The following PGBD5 variants were observed in gnomAD, a reference collection of about 807,000 sequenced individuals.
PGBD5 encodes the protein piggyBac transposable element-derived protein 5.
A neutral mutation model predicts 47.9 loss-of-function variants in PGBD5; 14 were observed. That is an observed-to-expected ratio of 0.29 (90% CI 0.19 to 0.46). The LOEUF (loss-of-function observed/expected upper bound fraction) is 0.46, where lower values mean the gene tolerates loss of function less well. Among genes scored for constraint, PGBD5 ranks in the 20% least tolerant of loss-of-function variants. PGBD5 has a pLI of 1.00. For missense variants in PGBD5, 635 were observed against 716.0 expected (o/e 0.89, Z 1.29); for synonymous variants, 316 against 306.3 (o/e 1.03, Z -0.33).
At chr1:230,374,689 T>G (rs1400204211) in intron 1 of PGBD5, among the ~76,000 whole-genome samples, 4 of 152,212 alleles carry the variant, frequency 2.6e-5, no homozygotes, top group African/African-American at 9.6e-5. Flanking sequence ...GGTGCTATTT[T>G]AAAGAAACAA....
intron 1 of PGBD5, among the ~76,000 whole-genome samples, chr1:230,418,956 G>A (rs1489006439): frequency 6.6e-6 from 1 of 152,224 alleles, no homozygotes; most frequent in African/African-American, 2.4e-5. Context: ...TCATTCCACT[G>A]TTGGTGGGAA....
intron 1 of PGBD5, among the ~76,000 whole-genome samples, chr1:230,366,582 G>C (rs940198632): frequency 6.6e-6 from 1 of 152,168 alleles, no homozygotes; most frequent in Non-Finnish European, 1.5e-5. Context: ...TGAGGTTCTG[G>C]ACCAGGCTCC....
intron 1 of PGBD5, among the ~76,000 whole-genome samples, chr1:230,373,302 A>G (rs750288859): frequency 2.6e-5 from 4 of 152,188 alleles, no homozygotes; most frequent in Non-Finnish European, 5.9e-5. Flanking sequence ...ATAGGTGTCA[A>G]TCCCTGATCC....
intron 4 of PGBD5, among the ~76,000 whole-genome samples, 192 bp downstream of exon 4, chr1:230,336,916 A>T (rs1469631386): frequency 6.6e-6 from 1 of 152,092 alleles, no homozygotes; most frequent in Admixed American, 6.5e-5. Flanking sequence ...ACACCTTGCA[A>T]TCTCTAGTGC....
At chr1:230,409,003 C>A (rs1404811335) in intron 1 of PGBD5, among the ~76,000 whole-genome samples, 8 of 152,122 alleles carry the variant, frequency 5.3e-5, no homozygotes, top group Non-Finnish European at 1.2e-4. Context: ...AGAACTCTTA[C>A]AACTCAATAA....
At chr1:230,388,930 G>A (rs1042184879) in intron 1 of PGBD5, among the ~76,000 whole-genome samples, 11 of 152,308 alleles carry the variant, frequency 7.2e-5, no homozygotes, top group African/African-American at 2.4e-4. Context: ...ACAAGAAAGG[G>A]CAGGAGCCAG....
chr1:230,355,780 G>A (rs910648743), intron 2 of PGBD5, among the ~76,000 whole-genome samples: 3 of 152,148 alleles, frequency 2.0e-5, no homozygotes, highest in Admixed American at 6.5e-5. Flanking sequence ...AGAAGAAGGC[G>A]GCGTTCCAAG....
At chr1:230,351,223 T>C in intron 2 of PGBD5, 131 bp from the exon 3 acceptor site, 2 of 1,003,864 alleles carry the variant, frequency 2.0e-6, no homozygotes, top group Non-Finnish European at 2.8e-6. Context: ...TTTACCTCTC[T>C]GATCCTGACC....
rs961592074 is a variant in PGBD5 at position 230,337,034 on chromosome 1, C to T, written c.1075+74G>A. The T allele has an allele frequency of 5.1e-5, 78 of 1,521,764 alleles. 1 individual carries two copies. In the South Asian group the frequency reaches 6.3e-4, roughly 12 times the overall value. 94.3% of individuals were successfully genotyped at this position (1,521,764 alleles called of 1,614,324 possible). The stretch of plus-strand genomic sequence containing the variant: ...GTGGTGGCCACCACGTATCTGCACC[C>T]CCACCTGGACCTCTCCCACCACTTT... On this transcript the variant is annotated intron_variant, in intron 4 of 6. Coordinates refer to ENST00000391860, the MANE Select transcript of PGBD5 (RefSeq NM_001258311.2).
At chr1:230,376,087 AAC>A (rs1385395850) in intron 1 of PGBD5, among the ~76,000 whole-genome samples, 1 of 144,766 alleles carries the variant, frequency 6.9e-6, no homozygotes, top group Non-Finnish European at 1.5e-5. Context: ...GACAGGGAGC[AAC>A]AGAGAGAGCC....
Position 230,392,138 on chromosome 1 carries a change from T to C in PGBD5, c.331+33460A>G, listed in dbSNP as rs374881896. 1.6e-4 allele frequency among the ~76,000 whole-genome samples: 24 copies of C among 152,338 alleles called. No homozygotes were observed. The East Asian group carries it at 1.7e-3, about 11-fold the overall frequency. ...TTCTCTTAAGAGTGCCTTGGTCATG[T>C]GTCATGGGGCTGATCCCCAGCTGCC... On this transcript the variant is annotated intron_variant, in intron 1 of 6. Coordinates refer to ENST00000391860, the MANE Select transcript of PGBD5 (RefSeq NM_001258311.2).
chr1:230,332,037 C>CAT, intron 5 of PGBD5, among the ~76,000 whole-genome samples: 3 of 40 alleles, frequency 0.075, no homozygotes, highest in African/African-American at 0.12. Flanking sequence ...ACACACACAC[C>CAT]ACACACAGCA....
In PGBD5 at chr1:230,333,980, G is replaced by A. The variant is rs77709244; in HGVS notation, c.1076-939C>T. ...TGCTCCCCAGCAGCCTGGAGGGGAC[G>A]CAGAGACCCTGGGAGCAGTCTCAGC... On this transcript the variant is annotated intron_variant, in intron 4 of 6. Transcript: ENST00000391860. Among the ~76,000 whole-genome samples, 375 of 152,354 alleles carry A rather than the reference G, an allele frequency of 2.5e-3. 2 individuals carry two copies. Among genetic ancestry groups the A allele is most frequent in the African/African-American group, 8.3e-3 (344 of 41,584 alleles).
chr1:230,364,302 A>G (rs1667792813), intron 1 of PGBD5, among the ~76,000 whole-genome samples: 1 of 152,212 alleles, frequency 6.6e-6, no homozygotes, highest in Non-Finnish European at 1.5e-5. Context: ...GGCTGTGAGG[A>G]GTGTGAAGGC....
At position 230,327,563 on chromosome 1, in the gene PGBD5, A is replaced by C. The variant is rs117519001; in HGVS notation, c.1274-2148T>G. ...CCCTGGCAATGAGTTTCCTAAAGCT[A>C]TCCAAGGGCCAGAAAACCATGGCGG... On this transcript the variant is annotated intron_variant, in intron 5 of 6. Transcript: ENST00000391860. Among the ~76,000 whole-genome samples the C allele has an allele frequency of 4.3e-3, 660 of 152,348 alleles. 8 individuals are homozygous for C. In the East Asian group the frequency reaches 0.052, roughly 12 times the overall value.
chr1:230,420,951 G>A (rs190589212), intron 1 of PGBD5, among the ~76,000 whole-genome samples: 20 of 152,252 alleles, frequency 1.3e-4, no homozygotes, highest in Non-Finnish European at 2.6e-4. Flanking sequence ...AAGCTGAAGC[G>A]GGAGGATCAC....
intron 1 of PGBD5, among the ~76,000 whole-genome samples, chr1:230,375,111 C>A (rs970521227): frequency 6.6e-6 from 1 of 152,198 alleles, no homozygotes; most frequent in Non-Finnish European, 1.5e-5. Context: ...AGCAGACAAG[C>A]AAAAGCACCC....
chr1:230,416,522 T>C (rs2102753317), intron 1 of PGBD5, among the ~76,000 whole-genome samples: 1 of 152,266 alleles, frequency 6.6e-6, no homozygotes, highest in East Asian at 1.9e-4. Flanking sequence ...CAGTGAGTGC[T>C]AGGAGAGACC....
rs755977156 is a variant in PGBD5 at position 230,350,912 on chromosome 1, CCCGACCCTCTTCA to C, written c.894+33_894+45del. 6.4e-5 allele frequency: 103 copies of C among 1,599,756 alleles called. No homozygotes were observed. The Admixed American group carries it at 7.4e-4, about 11-fold the overall frequency. On this transcript the variant is annotated intron_variant, in intron 3 of 6. Coordinates refer to ENST00000391860, the MANE Select transcript of PGBD5 (RefSeq NM_001258311.2). ...AGCCCAAGTCGCCCGGATTTTCTTCCCCGACCCTCTTCACCGACCCTCCCCGGGCTCAGCCCAG... is the reference window on the plus strand; with the variant it reads ...AGCCCAAGTCGCCCGGATTTTCTTCCCCGACCCTCCCCGGGCTCAGCCCAG...
Sources: allele counts gnomAD v4.1 joint callset (sites outside exome capture counted in the v4.1 genomes callset), GRCh38; gene constraint gnomAD v4.1.1; transcripts MANE v1.5; gene names NCBI Gene and HGNC (gene_info 2026-07-23, HGNC 2026-07-21).